Variants in HNRNPD observed in about 807,000 individuals in gnomAD.
The protein encoded by HNRNPD is heterogeneous nuclear ribonucleoprotein D, also known as heterogeneous nuclear ribonucleoprotein D0.
In HNRNPD, 3 loss-of-function variants were observed where a neutral mutation model predicts 47.9. The ratio of observed to expected loss-of-function variants is 0.06; its 90% CI spans 0.03 to 0.16. The LOEUF (loss-of-function observed/expected upper bound fraction) is 0.16. HNRNPD is among the 10% of genes least tolerant of loss of function. HNRNPD has a pLI of 1.00. For missense variants in HNRNPD, 287 were observed against 454.2 expected, an observed-to-expected ratio of 0.63 and a Z score of 3.35; for synonymous variants, 171 against 165.1, an observed-to-expected ratio of 1.04 and a Z score of -0.28.
intron 2 of HNRNPD, among the ~76,000 whole-genome samples, chr4:82,360,401 T>C (rs562599637): frequency 6.6e-6 from 1 of 151,622 alleles, no homozygotes; most frequent in South Asian, 2.1e-4. Flanking sequence ...TAAGGCGAAA[T>C]CTTACTAACA....
At position 82,353,719 on chromosome 4, in the gene HNRNPD, C is replaced by A. The variant is rs1353153517; in HGVS notation, c.*466G>T. On this transcript the variant is annotated 3_prime_UTR_variant, in exon 9 of 9. Transcript: ENST00000313899. ...GCTAAAAACATTTCAAACTTCACTG[C>A]AATTTTAATCATGTCCTCAATTTCG... 6.6e-6 allele frequency: 1 copy of A among 152,624 alleles called. No homozygotes were observed. The highest frequency in any genetic ancestry group is 1.5e-5 in the Non-Finnish European group (1 of 68,016). The allele number at this position is 152,624 out of a possible 1,614,324, so 9.5% of individuals were successfully genotyped here. A position where few individuals can be genotyped will look rare whatever the true frequency, so the allele number is the denominator to read the frequency against.
At chr4:82,363,048 GTATA>G (rs66520516) in intron 2 of HNRNPD, among the ~76,000 whole-genome samples, 2 of 145,508 alleles carry the variant, frequency 1.4e-5, no homozygotes, top group South Asian at 2.1e-4. Context: ...GTGTGTGTGT[GTATA>G]TATATATATA....
rs113456734 is a variant in HNRNPD at position 82,369,988 on chromosome 4, C to G, written c.290+1540G>C. ...AGAAACCCTGTCTCTACTAAAAATA[C>G]AAAATTAGCCAGGCATGGTGGAATA... On this transcript the variant is annotated intron_variant, in intron 2 of 8. Transcript: ENST00000313899. Among the ~76,000 whole-genome samples the G allele has an allele frequency of 3.3e-5, 5 of 152,158 alleles. No homozygotes were observed. The South Asian group carries it at 1.0e-3, about 32-fold the overall frequency.
chr4:82,369,687 C>CAAAA (rs60372443), intron 2 of HNRNPD, among the ~76,000 whole-genome samples: 3 of 122,656 alleles, frequency 2.4e-5, no homozygotes, highest in Admixed American at 8.3e-5. Context: ...GTGCAGACAC[C>CAAAA]AAAAAAAAAA....
chr4:82,370,448 C>T (rs1413153397), intron 2 of HNRNPD, among the ~76,000 whole-genome samples: 1 of 152,156 alleles, frequency 6.6e-6, no homozygotes, highest in East Asian at 1.9e-4. Flanking sequence ...CCACTATTAG[C>T]TAGCAGTGAA....
chr4:82,365,638 C>T (rs926861178), intron 2 of HNRNPD, among the ~76,000 whole-genome samples: 3 of 152,124 alleles, frequency 2.0e-5, no homozygotes, highest in African/African-American at 7.2e-5. Context: ...CAGAGTCTCG[C>T]TCTATTGCCA....
chr4:82,370,880 CAACT>C (rs750308763), intron 2 of HNRNPD, among the ~76,000 whole-genome samples: 10 of 151,870 alleles, frequency 6.6e-5, no homozygotes, highest in East Asian at 3.9e-4. Flanking sequence ...ACATGTCAAC[CAACT>C]GTTATTAATA....
intron 2 of HNRNPD, among the ~76,000 whole-genome samples, chr4:82,362,425 G>A (rs1719505561): frequency 6.6e-6 from 1 of 151,914 alleles, no homozygotes; most frequent in Non-Finnish European, 1.5e-5. Flanking sequence ...AGAACACTCT[G>A]GCTTTTTCTT....
Position 82,353,619 on chromosome 4 carries a change from A to C in HNRNPD, c.*566T>G, listed in dbSNP as rs1346805642. Reference sequence around the variant, plus strand: ...CTACATAAGGAAGTATTATTAAAACAACCAACAAACAAATTGACATTAAGT... The same window carrying C: ...CTACATAAGGAAGTATTATTAAAACCACCAACAAACAAATTGACATTAAGT... On this transcript the variant is annotated 3_prime_UTR_variant, in exon 9 of 9. Transcript: ENST00000313899. The C allele has an allele frequency of 1.3e-5, 2 of 152,798 alleles. No individual in the cohort carries two copies. Among genetic ancestry groups the C allele is most frequent in the Middle Eastern group, 3.4e-3 (1 of 294 alleles). 9.5% of individuals were successfully genotyped at this position (152,798 alleles called of 1,614,324 possible).
At chr4:82,369,641 A>G (rs946311303) in intron 2 of HNRNPD, among the ~76,000 whole-genome samples, 4 of 151,826 alleles carry the variant, frequency 2.6e-5, no homozygotes, top group African/African-American at 9.7e-5. Context: ...TATCCCTCAA[A>G]ATGGGAGAAA....
intron 1 of HNRNPD, chr4:82,373,044 T>C (rs931863926): frequency 3.4e-5 from 15 of 444,452 alleles, no homozygotes; most frequent in African/African-American, 2.2e-4. Flanking sequence ...GAGAAGCTGT[T>C]TGTGTCTGTG....
chr4:82,372,998 T>C (rs1472730740), intron 1 of HNRNPD: 1 of 372,164 alleles, frequency 2.7e-6, no homozygotes, highest in Non-Finnish European at 5.4e-6. Flanking sequence ...TTCAGGATGG[T>C]GGAGAAGCAC....
At chr4:82,365,166 C>CA (rs1719689287) in intron 2 of HNRNPD, among the ~76,000 whole-genome samples, 1 of 152,164 alleles carries the variant, frequency 6.6e-6, no homozygotes, top group Non-Finnish European at 1.5e-5. Context: ...CAGGCATGAG[C>CA]CACCACACCC....
chr4:82,368,088 T>TGG (rs566856985), intron 2 of HNRNPD, among the ~76,000 whole-genome samples: 24 of 152,336 alleles, frequency 1.6e-4, no homozygotes, highest in Middle Eastern at 3.4e-3. Context: ...AAGTTATGTT[T>TGG]CACCCATTTG....
rs761436152 is a variant in HNRNPD at position 82,358,645 on chromosome 4, C to T, written c.621+14G>A. ...AATTTTGACATAAACTGGGTCAAAA[C>T]ATTTATAACATACCTCACCAAAACC... On this transcript the variant is annotated intron_variant, in intron 4 of 8. Transcript: ENST00000313899. The T allele has an allele frequency of 1.3e-5, 21 of 1,595,936 alleles. No homozygotes were observed. The South Asian group carries it at 2.3e-4, about 17-fold the overall frequency.
rs1384475645 is a variant in HNRNPD at position 82,357,315 on chromosome 4, T to C, written c.751A>G (p.Lys251Glu). The change falls in exon 5 of 9, where the codon AAA (lysine) becomes GAA (glutamate). Residue 251 changes from lysine (K) to glutamate (E), a missense_variant and splice_region_variant. Lys to Glu is a moderately conservative substitution (Grantham distance 56, BLOSUM62 1). Coordinates refer to ENST00000313899, the MANE Select transcript of HNRNPD (RefSeq NM_031370.3). ...AAGTAAATGGATGCTTAACTTACTT[T>C]ACTAAGACCAACATTGTGGTATTTC... is the stretch of plus-strand genomic sequence containing the variant. Reference protein sequence around the residue: ...EKKYHNVGLSKCEIKVAMSKE... With the variant: ...EKKYHNVGLSECEIKVAMSKE... 1 of 1,607,492 alleles carries C rather than the reference T, an allele frequency of 6.2e-7. No individual in the cohort carries two copies. Among genetic ancestry groups the C allele is most frequent in the Non-Finnish European group, 8.5e-7 (1 of 1,178,112 alleles).
intron 1 of HNRNPD, 105 bp downstream of exon 1, chr4:82,373,341 G>C: frequency 2.1e-6 from 3 of 1,430,102 alleles, no homozygotes; most frequent in South Asian, 1.4e-5. Flanking sequence ...CTGCATGGGG[G>C]CCCGGAGAAC....
At chr4:82,358,408 ATGTT>A (rs1723819895) in intron 4 of HNRNPD, 1 of 357,598 alleles carries the variant, frequency 2.8e-6, no homozygotes, top group Non-Finnish European at 5.0e-6. Flanking sequence ...GTATTTAAGA[ATGTT>A]TGTCTATTTC....
At chr4:82,362,407 G>T (rs572021144) in intron 2 of HNRNPD, among the ~76,000 whole-genome samples, 29 of 151,968 alleles carry the variant, frequency 1.9e-4, no homozygotes, top group African/African-American at 6.8e-4. Context: ...TAATATTTTG[G>T]CAGCCCAAGA....
Sources: gnomAD v4.1 joint callset for allele counts (sites outside exome capture counted in the v4.1 genomes callset) on GRCh38, gnomAD v4.1.1 for gene constraint, MANE v1.5 for transcripts, NCBI Gene and HGNC (gene_info 2026-07-23, HGNC 2026-07-21) for gene names.